Variants in OCIAD1 observed in about 807,000 individuals in gnomAD.
OCIAD1 encodes OCIA domain-containing protein 1.
Under a neutral mutation model 38.9 loss-of-function variants are expected in OCIAD1, and 29 were observed. The observed-to-expected ratio is 0.74, with a 90% CI of 0.55 to 1.02. OCIAD1 has a LOEUF of 1.02. Among genes scored for constraint, OCIAD1 ranks in the 50% least tolerant of loss-of-function variants. The pLI is 0.00. For synonymous variants in OCIAD1, 110 were observed against 92.0 expected (o/e 1.20, Z -1.12); for missense variants, 288 against 289.6 (o/e 0.99, Z 0.04).
chr4:48,813,198 T>C (rs1777108593), intron 1 of OCIAD1, among the ~76,000 whole-genome samples: 1 of 152,254 alleles, frequency 6.6e-6, no homozygotes, highest in South Asian at 2.1e-4. Context: ...TTACATATTA[T>C]GATTTTTCAT....
At chr4:48,839,411 G>T (rs1181906230) in intron 3 of OCIAD1, among the ~76,000 whole-genome samples, 1 of 150,006 alleles carries the variant, frequency 6.7e-6, no homozygotes, top group Non-Finnish European at 1.5e-5. Flanking sequence ...ACTCCAGCCT[G>T]GGTGACAAAG....
chr4:48,830,918 G>T, upstream of OCIAD1: 1 of 156,196 alleles, frequency 6.4e-6, no homozygotes, highest in South Asian at 1.7e-4. Flanking sequence ...TTGGTCCGCC[G>T]CTGTCGCCTG....
At chr4:48,857,595 C>A (rs752645804) in intron 8 of OCIAD1, among the ~76,000 whole-genome samples, 35 of 151,992 alleles carry the variant, frequency 2.3e-4, no homozygotes, top group South Asian at 6.2e-4. Flanking sequence ...TCTTGGCTCA[C>A]TGCAGCCTCT....
At chr4:48,823,275 C>G (rs1235615657) in intron 1 of OCIAD1, among the ~76,000 whole-genome samples, 1 of 151,904 alleles carries the variant, frequency 6.6e-6, no homozygotes, top group Non-Finnish European at 1.5e-5. Context: ...TCATTTTCAG[C>G]AATCTAACAC....
chr4:48,816,457 T>C (rs1418462365), intron 1 of OCIAD1, among the ~76,000 whole-genome samples: 1 of 150,208 alleles, frequency 6.7e-6, no homozygotes, highest in African/African-American at 2.5e-5. Context: ...CGCTTGAACC[T>C]GGGAGGCGGA....
At chr4:48,857,438 T>TA (rs1346400191) in intron 8 of OCIAD1, 73 bp downstream of exon 8, 1 of 877,850 alleles carries the variant, frequency 1.1e-6, no homozygotes, top group East Asian at 3.2e-5. Context: ...AACAATACTA[T>TA]AAAAAATTAA....
At chr4:48,824,681 ATT>A (rs554134482) in intron 1 of OCIAD1, among the ~76,000 whole-genome samples, 10 of 152,180 alleles carry the variant, frequency 6.6e-5, no homozygotes, top group African/African-American at 2.4e-4. Context: ...CTTTTCTTTC[ATT>A]AAGAAATGTA....
chr4:48,825,994 G>A (rs1459668301), intron 1 of OCIAD1, among the ~76,000 whole-genome samples: 4 of 151,790 alleles, frequency 2.6e-5, no homozygotes, highest in Admixed American at 1.3e-4. Flanking sequence ...GCACCACCAC[G>A]CCTGGCTAAT....
At chr4:48,844,514 A>C (rs1778812307) in intron 4 of OCIAD1, among the ~76,000 whole-genome samples, 1 of 151,884 alleles carries the variant, frequency 6.6e-6, no homozygotes, top group Admixed American at 6.6e-5. Context: ...TACTCAGGAG[A>C]CTGAGGCAGG....
chr4:48,826,092 C>A (rs1777247864), upstream of OCIAD1, among the ~76,000 whole-genome samples: 1 of 152,084 alleles, frequency 6.6e-6, no homozygotes, highest in Admixed American at 6.6e-5. Context: ...CCCATCTCAG[C>A]CTCCCGAAGT....
intron 7 of OCIAD1, among the ~76,000 whole-genome samples, chr4:48,853,578 T>TAG (rs1779732829): frequency 6.6e-6 from 1 of 152,236 alleles, no homozygotes; most frequent in Non-Finnish European, 1.5e-5. Context: ...AAGTTGATTA[T>TAG]AGGTCAGAGA....
intron 1 of OCIAD1, among the ~76,000 whole-genome samples, chr4:48,812,032 C>G (rs74716048): frequency 1.3e-5 from 2 of 151,416 alleles, no homozygotes; most frequent in Non-Finnish European, 2.9e-5. Context: ...GCCTGTAATC[C>G]CAGCACTTTG....
At chr4:48,829,222 T>C (rs2712157), upstream of OCIAD1, among the ~76,000 whole-genome samples, 64,416 of 151,644 alleles carry the variant, frequency 0.42, 14,952 homozygotes, top group Admixed American at 0.59. Flanking sequence ...ATGGCACCAC[T>C]GTACTACGGT....
At chr4:48,808,564 C>A (rs1395673292) in intron 1 of OCIAD1, among the ~76,000 whole-genome samples, 1 of 152,148 alleles carries the variant, frequency 6.6e-6, no homozygotes, top group South Asian at 2.1e-4. Context: ...GGATTAAGGA[C>A]CTTACAGAAG....
chr4:48,843,373 GAA>G (rs1778702320), intron 4 of OCIAD1, among the ~76,000 whole-genome samples: 4 of 152,210 alleles, frequency 2.6e-5, no homozygotes, highest in Admixed American at 2.0e-4. Flanking sequence ...AGGTGTCCCA[GAA>G]AAGGATGGTG....
rs553321930 is a variant in OCIAD1 at position 48,818,766 on chromosome 4, T to C, written c.-102-11811T>C. 3.9e-5 allele frequency among the ~76,000 whole-genome samples: 6 copies of C among 152,190 alleles called. No homozygotes were observed. The South Asian group carries it at 1.0e-3, about 26-fold the overall frequency. On this transcript the variant is annotated intron_variant, in intron 1 of 6. Transcript: ENST00000504654. ...GAGCTGAAAAACACAGCAGGAGAACTTTGTGAAGCATACACAAGTATCAAT... is the reference window on the plus strand; with the variant it reads ...GAGCTGAAAAACACAGCAGGAGAACCTTGTGAAGCATACACAAGTATCAAT...
chr4:48,834,933 T>C (rs1262614868), intron 3 of OCIAD1, among the ~76,000 whole-genome samples: 12 of 152,172 alleles, frequency 7.9e-5, no homozygotes. Flanking sequence ...TTCTTTTTTG[T>C]TTGTTTGTTT....
At chr4:48,834,973 C>G (rs1281575646) in intron 3 of OCIAD1, among the ~76,000 whole-genome samples, 1 of 152,130 alleles carries the variant, frequency 6.6e-6, no homozygotes, top group East Asian at 1.9e-4. Context: ...TCACTCTCTT[C>G]CCCAGGCTGG....
intron 1 of OCIAD1, among the ~76,000 whole-genome samples, chr4:48,824,068 TC>T (rs1560409315): frequency 1.3e-5 from 2 of 152,038 alleles, no homozygotes; most frequent in East Asian, 3.9e-4. Context: ...AACCTCTGCC[TC>T]CCAGGCTCAA....
Sources: allele counts gnomAD v4.1 joint callset (sites outside exome capture counted in the v4.1 genomes callset), GRCh38; gene constraint gnomAD v4.1.1; transcripts MANE v1.5; gene names NCBI Gene and HGNC (gene_info 2026-07-23, HGNC 2026-07-21).